The following CD48 variants were observed in gnomAD, a reference collection of about 807,000 sequenced individuals.
CD48 encodes the protein CD48 molecule.
A neutral mutation model predicts 22.0 loss-of-function variants in CD48; 20 were observed. The observed-to-expected ratio is 0.91, with a 90% CI of 0.64 to 1.32. The LOEUF (loss-of-function observed/expected upper bound fraction) is 1.32, where lower values mean the gene tolerates loss of function less well. Among genes scored for constraint, CD48 ranks in the 40% most tolerant of loss-of-function variants. The probability of loss-of-function intolerance (pLI) is 0.00; values close to 1 mark genes in which losing one functional copy is unlikely to be tolerated. For synonymous variants in CD48, 110 were observed against 110.1 expected (o/e 1.00, Z 0.01); for missense variants, 307 against 286.5 (o/e 1.07, Z -0.52).
chr1:160,681,192 T>C lies in CD48; in HGVS notation c.652+10A>G. 2 of 1,614,100 alleles carry C rather than the reference T, an allele frequency of 1.2e-6. No individual in the cohort carries two copies. The highest frequency in any genetic ancestry group is 8.5e-7 in the Non-Finnish European group (1 of 1,179,974). ...CTGTGCCCCCCTCAGCTCCCAGGGA[T>C]CCTTCTTACCCAGGGTACAGGGTGG... On this transcript the variant is annotated intron_variant, in intron 3 of 3. Coordinates refer to ENST00000368046, the MANE Select transcript of CD48 (RefSeq NM_001778.4).
At chr1:160,686,044 T>C (rs1436978778) in intron 1 of CD48, among the ~76,000 whole-genome samples, 1 of 152,186 alleles carries the variant, frequency 6.6e-6, no homozygotes, top group African/African-American at 2.4e-5. Context: ...GGTCAGGCCC[T>C]CTCTAGAATG....
intron 1 of CD48, chr1:160,691,843 A>C (rs1571058467): frequency 8.3e-6 from 3 of 361,678 alleles, no homozygotes; most frequent in Non-Finnish European, 1.5e-5. Flanking sequence ...TCCCGAGTAC[A>C]TCTACAGTCA....
Position 160,681,258 on chromosome 1 carries a change from C to G in CD48, c.596G>C (p.Ser199Thr). 1 of 1,614,194 alleles carries G rather than the reference C, an allele frequency of 6.2e-7. No individual in the cohort carries two copies. The highest frequency in any genetic ancestry group is 8.5e-7 in the Non-Finnish European group (1 of 1,180,032). Residue 199 changes from serine to threonine, a missense_variant, in exon 3 of 4, where the codon AGC (serine) becomes ACC (threonine). Physicochemically the swap from Ser to Thr is moderately conservative, Grantham distance 58 (BLOSUM62 1). Transcript: ENST00000368046. ...GCCATTCTTGCTGCTCACAGAATTG[C>G]TGACTTGGCAAGTATAACACCTGGA... ...NYSRCYTCQV[S>T]NSVSSKNGTV...
intron 1 of CD48, among the ~76,000 whole-genome samples, chr1:160,696,678 G>A (rs1662439442): frequency 7.0e-6 from 1 of 143,728 alleles, no homozygotes; most frequent in South Asian, 2.3e-4. Context: ...GCAAATGGAT[G>A]TCACGCATGT....
rs572844084 is a variant in CD48, at chr1:160,680,374, C to CTGTG, written c.652+824_652+827dup. On this transcript the variant is annotated intron_variant, in intron 3 of 3. Transcript: ENST00000368046. ...CCGCTTACTAAGGACTTGTCAGCCA[C>CTGTG]TGTGATAGGCAGTTACGTGTCTTGT... is the stretch of plus-strand genomic sequence containing the variant. The CTGTG allele has an allele frequency of 1.3e-3, 212 of 164,846 alleles. 1 individual carries two copies. Among genetic ancestry groups the CTGTG allele is most frequent in the African/African-American group, 5.0e-3 (211 of 41,790 alleles). The allele number at this position is 164,846 out of a possible 1,614,324, so 10.2% of individuals were successfully genotyped here.
chr1:160,707,799 C>T (rs750449529), intron 1 of CD48, among the ~76,000 whole-genome samples: 2 of 152,076 alleles, frequency 1.3e-5, no homozygotes, highest in East Asian at 1.9e-4. Context: ...TTATTCCTTC[C>T]TTCTTTCCTT....
chr1:160,691,453 T>C (rs1408812366), intron 1 of CD48, among the ~76,000 whole-genome samples: 5 of 152,176 alleles, frequency 3.3e-5, no homozygotes, highest in African/African-American at 4.8e-5. Flanking sequence ...AAGCACAGCA[T>C]TTAATCCTTT....
intron 3 of CD48, among the ~76,000 whole-genome samples, chr1:160,679,703 C>T (rs1349078781): frequency 2.0e-5 from 3 of 151,926 alleles, no homozygotes. Context: ...TTTGAGGGGG[C>T]TTTCTAGGAT....
At chr1:160,682,325 G>A (rs943914358) in intron 2 of CD48, among the ~76,000 whole-genome samples, 1 of 151,286 alleles carries the variant, frequency 6.6e-6, no homozygotes, top group African/African-American at 2.4e-5. Context: ...GTAGCCAGGT[G>A]TGGTGGTGTG....
intron 1 of CD48, among the ~76,000 whole-genome samples, chr1:160,692,458 G>A (rs191863147): frequency 7.2e-4 from 110 of 152,236 alleles, no homozygotes; most frequent in Middle Eastern, 6.8e-3. Context: ...TCAGGTGACC[G>A]TAACATTACA....
intron 1 of CD48, among the ~76,000 whole-genome samples, chr1:160,702,909 T>C (rs1391347443): frequency 6.6e-6 from 1 of 152,178 alleles, no homozygotes; most frequent in African/African-American, 2.4e-5. Context: ...AGTGCGCTCA[T>C]CAGAGACAGA....
chr1:160,690,437 G>A (rs866636234), intron 1 of CD48, among the ~76,000 whole-genome samples: 3 of 152,186 alleles, frequency 2.0e-5, no homozygotes, highest in African/African-American at 4.8e-5. Flanking sequence ...TTGGAAGTAC[G>A]AAGACCTGGC....
At chr1:160,708,786 T>C (rs1662865436) in intron 1 of CD48, among the ~76,000 whole-genome samples, 1 of 152,184 alleles carries the variant, frequency 6.6e-6, no homozygotes, top group South Asian at 2.1e-4. Flanking sequence ...TGATGGACTT[T>C]GTGCCCCTTC....
intron 1 of CD48, among the ~76,000 whole-genome samples, chr1:160,708,340 AC>A (rs1382935163): frequency 6.6e-6 from 1 of 152,212 alleles, no homozygotes; most frequent in Non-Finnish European, 1.5e-5. Context: ...CACAGTGGCC[AC>A]TAAAGATTTT....
Position 160,711,738 on chromosome 1 carries a change from C to A in CD48, c.26G>T (p.Cys9Phe). 6.2e-7 allele frequency: 1 copy of A among 1,613,736 alleles called. No individual in the cohort carries two copies. The highest frequency in any genetic ancestry group is 8.5e-7 in the Non-Finnish European group (1 of 1,179,702). ...CAGCAGTAGCAATTCCAGAGCCAGA[C>A]ACGAATCCCAACCTCTGGAGCACAT... MCSRGWDS[C>F]LALELLLLPL... is the part of the protein sequence containing the mutation. Residue 9 changes from cysteine (C) to phenylalanine (F), a missense_variant, in exon 1 of 4, where the codon TGT becomes TTT. Transcript: ENST00000368046.
In CD48 at chr1:160,679,030, G is replaced by T. The variant is rs374670696; in HGVS notation, c.*22C>A. ...CAAGATCTTCTGGCCTTGAAGTTTC[G>T]CTTGAGTTAAAAGAGCTCATCTCAG... On this transcript the variant is annotated 3_prime_UTR_variant, in exon 4 of 4. Transcript: ENST00000368046. 6.3e-7 allele frequency: 1 copy of T among 1,593,136 alleles called. No homozygotes were observed. Among genetic ancestry groups the T allele is most frequent in the Non-Finnish European group, 8.6e-7 (1 of 1,160,858 alleles).
In CD48 at chr1:160,679,109, C is replaced by A; in HGVS notation, c.675G>T (p.Trp225Cys). The part of the protein sequence containing the change: ...CTLARSFGVE[W>C]IASWLVVTVP... ...CCGTGACCACTAGCCAACTTGCAAT[C>A]CATTCTACTCCAAAGGACCGGGCTG... Residue 225 changes from tryptophan to cysteine, a missense_variant, in exon 4 of 4, where the codon TGG becomes TGT. Trp to Cys is a radical substitution (Grantham distance 215). Transcript: ENST00000368046. 6.2e-7 allele frequency: 1 copy of A among 1,614,116 alleles called. No individual in the cohort carries two copies. Among genetic ancestry groups the A allele is most frequent in the Non-Finnish European group, 8.5e-7 (1 of 1,180,004 alleles).
In CD48 at chr1:160,711,390, CT is replaced by C. The variant is rs540038883; in HGVS notation, c.82+291del. On this transcript the variant is annotated intron_variant, in intron 1 of 3. Transcript: ENST00000368046. Reference sequence around the variant, plus strand: ...CTTATTCAAAATGAAAAAACAAACACTTTTCCACAACTTCATGGACCACCAA... The same window carrying C: ...CTTATTCAAAATGAAAAAACAAACACTTTCCACAACTTCATGGACCACCAA... Among the ~76,000 whole-genome samples the C allele has an allele frequency of 7.8e-4, 119 of 152,234 alleles. 1 individual carries two copies. The highest frequency in any genetic ancestry group is 2.8e-3 in the African/African-American group (116 of 41,526).
At position 160,681,534 on chromosome 1, in the gene CD48, CA is replaced by C; in HGVS notation, c.386-67del. 1.9e-6 allele frequency: 3 copies of C among 1,569,046 alleles called. No homozygotes were observed. The East Asian group carries it at 6.7e-5, about 35-fold the overall frequency. On this transcript the variant is annotated intron_variant, in intron 2 of 3. Transcript: ENST00000368046. ...ATTCATGCTGTGAAGGTTTAGCCAA[CA>C]AAGAACAAAGGGATCCAGGGAAGGG...
Sources: gnomAD v4.1 joint callset for allele counts (sites outside exome capture counted in the v4.1 genomes callset) on GRCh38, gnomAD v4.1.1 for gene constraint, MANE v1.5 for transcripts, NCBI Gene and HGNC (gene_info 2026-07-23, HGNC 2026-07-21) for gene names.